SDCCAG8: variants seen among roughly 807,000 people sequenced by gnomAD.
SDCCAG8 encodes the protein SHH signaling and ciliogenesis regulator SDCCAG8, also known as serologically defined colon cancer antigen 8.
In SDCCAG8, 74 loss-of-function variants were observed where a neutral mutation model predicts 101.8. That is an observed-to-expected ratio of 0.73 (90% CI 0.60 to 0.88). SDCCAG8 has a LOEUF of 0.88. SDCCAG8 is among the 40% of genes least tolerant of loss of function. The probability of loss-of-function intolerance (pLI) is 0.00; values close to 1 mark genes in which losing one functional copy is unlikely to be tolerated. For missense variants in SDCCAG8, 787 were observed against 822.6 expected, an observed-to-expected ratio of 0.96 and a Z score of 0.53; for synonymous variants, 281 against 292.9, an observed-to-expected ratio of 0.96 and a Z score of 0.41.
intron 12 of SDCCAG8, among the ~76,000 whole-genome samples, chr1:243,376,145 T>G (rs2077582670): frequency 1.3e-5 from 2 of 152,142 alleles, no homozygotes; most frequent in African/African-American, 4.8e-5. Flanking sequence ...TATTCTTAGG[T>G]GGGTCATTTT....
chr1:243,395,894 A>G (rs2079002908), intron 13 of SDCCAG8, among the ~76,000 whole-genome samples: 1 of 152,088 alleles, frequency 6.6e-6, no homozygotes, highest in Admixed American at 6.5e-5. Flanking sequence ...CTAAAAATTT[A>G]GAAAATTTTA....
Position 243,404,782 on chromosome 1 carries a change from A to C in SDCCAG8, c.1617-10920A>C, listed in dbSNP as rs1329380719. Among the ~76,000 whole-genome samples the C allele has an allele frequency of 2.0e-5, 3 of 152,282 alleles. No homozygotes were observed. The East Asian group carries it at 5.8e-4, about 29-fold the overall frequency. ...ACATGCACATTGGATGTTTGACCAAAGGCACACCATCTCAGCAATAATGAA... is the reference window on the plus strand; with the variant it reads ...ACATGCACATTGGATGTTTGACCAACGGCACACCATCTCAGCAATAATGAA... On this transcript the variant is annotated intron_variant, in intron 13 of 17. Transcript: ENST00000366541.
chr1:243,418,438 A>G (rs534274930), intron 15 of SDCCAG8, among the ~76,000 whole-genome samples: 1 of 152,362 alleles, frequency 6.6e-6, no homozygotes, highest in South Asian at 2.1e-4. Context: ...ACAATTCACC[A>G]TGAACACAAA....
intron 13 of SDCCAG8, among the ~76,000 whole-genome samples, chr1:243,406,911 GCTT>G (rs1231900390): frequency 6.6e-6 from 1 of 151,976 alleles, no homozygotes; most frequent in Non-Finnish European, 1.5e-5. Context: ...CATATTTTAA[GCTT>G]CTGATTTTTT....
At chr1:243,363,343 G>A (rs188448668) in intron 12 of SDCCAG8, among the ~76,000 whole-genome samples, 16 of 152,248 alleles carry the variant, frequency 1.1e-4, no homozygotes, top group East Asian at 9.6e-4. Context: ...CCTAGATACC[G>A]ATGAACCATG....
At chr1:243,264,334 G>T (rs187126037) in intron 1 of SDCCAG8, among the ~76,000 whole-genome samples, 5 of 152,292 alleles carry the variant, frequency 3.3e-5, no homozygotes, top group Non-Finnish European at 5.9e-5. Context: ...GACAATACAG[G>T]CCAGGCAGGG....
chr1:243,470,371 T>A (rs61833166), intron 16 of SDCCAG8, among the ~76,000 whole-genome samples: 4,865 of 152,288 alleles, frequency 0.032, 98 homozygotes, highest in Middle Eastern at 0.15. Flanking sequence ...TGTCTTTTGA[T>A]CCCTGGCCTG....
At chr1:243,350,968 T>C (rs139276367) in intron 12 of SDCCAG8, among the ~76,000 whole-genome samples, 1 of 152,354 alleles carries the variant, frequency 6.6e-6, no homozygotes, top group Non-Finnish European at 1.5e-5. Context: ...ACTTGAAACC[T>C]AGCACTTACA....
chr1:243,357,279 T>G (rs2076437957), intron 12 of SDCCAG8, among the ~76,000 whole-genome samples: 1 of 151,916 alleles, frequency 6.6e-6, no homozygotes, highest in African/African-American at 2.4e-5. Flanking sequence ...CCTGGGAGGC[T>G]GAGGCAAGAG....
At chr1:243,331,558 A>C (rs1278102707) in intron 10 of SDCCAG8, among the ~76,000 whole-genome samples, 2 of 152,228 alleles carry the variant, frequency 1.3e-5, no homozygotes, top group African/African-American at 2.4e-5. Context: ...AGTCTTAATA[A>C]GAGTAAACTC....
chr1:243,432,861 T>C (rs1363095412), intron 16 of SDCCAG8, among the ~76,000 whole-genome samples: 1 of 152,228 alleles, frequency 6.6e-6, no homozygotes, highest in African/African-American at 2.4e-5. Flanking sequence ...GAAATGCTTT[T>C]ACTTAAAAAG....
At chr1:243,383,365 T>G (rs1052163070) in intron 13 of SDCCAG8, among the ~76,000 whole-genome samples, 3 of 152,220 alleles carry the variant, frequency 2.0e-5, no homozygotes, top group African/African-American at 7.2e-5. Flanking sequence ...TCTTTGGGCC[T>G]GCTTATGTAC....
chr1:243,388,043 A>G (rs537967656), intron 13 of SDCCAG8, among the ~76,000 whole-genome samples: 2 of 152,238 alleles, frequency 1.3e-5, no homozygotes, highest in African/African-American at 4.8e-5. Context: ...CTTGAAATTA[A>G]TTGTTTGACC....
chr1:243,413,270 ATC>A (rs1423375671), intron 13 of SDCCAG8, among the ~76,000 whole-genome samples: 1 of 152,138 alleles, frequency 6.6e-6, no homozygotes, highest in Non-Finnish European at 1.5e-5. Flanking sequence ...CAGTGGCACA[ATC>A]TCTGCTCGCT....
At chr1:243,464,227 G>A (rs931628792) in intron 16 of SDCCAG8, among the ~76,000 whole-genome samples, 1 of 152,194 alleles carries the variant, frequency 6.6e-6, no homozygotes, top group Non-Finnish European at 1.5e-5. Flanking sequence ...CCAGTTACAC[G>A]AATTGTTTTC....
intron 5 of SDCCAG8, among the ~76,000 whole-genome samples, chr1:243,288,605 G>A (rs917623615): frequency 2.0e-5 from 3 of 152,164 alleles, no homozygotes; most frequent in African/African-American, 7.2e-5. Context: ...GGGGGGAAGG[G>A]GTTTTTGTAA....
chr1:243,289,287 TA>T (rs1449046058), intron 5 of SDCCAG8, among the ~76,000 whole-genome samples: 2 of 152,150 alleles, frequency 1.3e-5, no homozygotes, highest in African/African-American at 4.8e-5. Flanking sequence ...TAAGCCAGTC[TA>T]ACCTTTTCAT....
intron 16 of SDCCAG8, among the ~76,000 whole-genome samples, chr1:243,446,815 T>G (rs1172277422): frequency 6.6e-6 from 1 of 152,154 alleles, no homozygotes. Flanking sequence ...CAGTTGGGGC[T>G]GCTTGGGGCT....
intron 16 of SDCCAG8, chr1:243,488,251 T>C (rs527715840): frequency 1.5e-4 from 23 of 152,514 alleles, no homozygotes; most frequent in African/African-American, 5.5e-4. Context: ...GAGTTTGAAA[T>C]GCACCTTGAG....
Sources: gnomAD v4.1 joint callset for allele counts (sites outside exome capture counted in the v4.1 genomes callset) on GRCh38, gnomAD v4.1.1 for gene constraint, MANE v1.5 for transcripts, NCBI Gene and HGNC (gene_info 2026-07-23, HGNC 2026-07-21) for gene names.